Variants in BMERB1 observed in about 807,000 individuals in gnomAD.
BMERB1 encodes the protein bMERB domain containing 1.
In BMERB1, 12 loss-of-function variants were observed where a neutral mutation model predicts 23.6. The observed-to-expected ratio is 0.51, with a 90% CI of 0.33 to 0.82. BMERB1 has a LOEUF of 0.82. Among genes scored for constraint, BMERB1 ranks in the 40% least tolerant of loss-of-function variants. The pLI is 0.03. For missense variants in BMERB1, 247 were observed against 255.4 expected (o/e 0.97, Z 0.22); for synonymous variants, 122 against 96.6 (o/e 1.26, Z -1.54).
At chr16:15,517,437 G>C (rs1164418651) in intron 2 of BMERB1, among the ~76,000 whole-genome samples, 1 of 152,074 alleles carries the variant, frequency 6.6e-6, no homozygotes, top group Non-Finnish European at 1.5e-5. Flanking sequence ...TTTGAACCTG[G>C]GAGGCGGAGG....
chr16:15,517,455 G>C (rs62039128), intron 2 of BMERB1, among the ~76,000 whole-genome samples: 1 of 152,004 alleles, frequency 6.6e-6, no homozygotes. Context: ...AGGCTACAGC[G>C]AGCTGAGATT....
At chr16:15,505,456 A>G (rs1298190587) in intron 1 of BMERB1, among the ~76,000 whole-genome samples, 1 of 152,230 alleles carries the variant, frequency 6.6e-6, no homozygotes, top group Non-Finnish European at 1.5e-5. Context: ...TAAGCAGGCT[A>G]TAGTATTTAG....
At chr16:15,501,559 C>T (rs911711520) in intron 1 of BMERB1, among the ~76,000 whole-genome samples, 1 of 152,182 alleles carries the variant, frequency 6.6e-6, no homozygotes, top group Non-Finnish European at 1.5e-5. Context: ...ACTGCAACCT[C>T]CGCCTCCCCA....
intron 1 of BMERB1, among the ~76,000 whole-genome samples, chr16:15,446,476 A>G (rs1598442671): frequency 6.6e-6 from 1 of 152,198 alleles, no homozygotes; most frequent in African/African-American, 2.4e-5. Context: ...TTTTACATGC[A>G]TCCTCCGCTC....
chr16:15,456,589 C>T (rs950158174), intron 1 of BMERB1, among the ~76,000 whole-genome samples: 1 of 151,934 alleles, frequency 6.6e-6, no homozygotes, highest in Non-Finnish European at 1.5e-5. Context: ...CTGCCTGCCT[C>T]AGCCTCCCAA....
At chr16:15,577,648 GGGGTTTTATATGTTGGCATATTCCA>G (rs1334729526) in intron 3 of BMERB1, among the ~76,000 whole-genome samples, 4 of 132,358 alleles carry the variant, frequency 3.0e-5, no homozygotes, top group African/African-American at 1.7e-4. Flanking sequence ...GGCATGTTCC[GGGGTTTTATATGTTGGCATATTCCA>G]GGGTTTTATG....
At chr16:15,488,252 T>C (rs1952842974) in intron 1 of BMERB1, among the ~76,000 whole-genome samples, 2 of 152,212 alleles carry the variant, frequency 1.3e-5, no homozygotes, top group Admixed American at 1.3e-4. Flanking sequence ...GAAATCTGAA[T>C]TTTTTGCAGT....
At chr16:15,572,797 G>C (rs1484668579) in intron 3 of BMERB1, among the ~76,000 whole-genome samples, 1 of 152,144 alleles carries the variant, frequency 6.6e-6, no homozygotes, top group Non-Finnish European at 1.5e-5. Context: ...CCCGTGTGTT[G>C]TGGGAGGGAC....
chr16:15,517,788 G>GTGGATGTGTGTGGGGGTGTT (rs1366793862), intron 2 of BMERB1, among the ~76,000 whole-genome samples: 1 of 151,838 alleles, frequency 6.6e-6, no homozygotes, highest in African/African-American at 2.4e-5. Context: ...ATGTGGATGT[G>GTGGATGTGTGTGGGGGTGTT]TGGATGTGTG....
At chr16:15,436,397 T>G (rs1162324335) in intron 1 of BMERB1, among the ~76,000 whole-genome samples, 1 of 151,912 alleles carries the variant, frequency 6.6e-6, no homozygotes, top group Non-Finnish European at 1.5e-5. Flanking sequence ...TAGCTGAGAT[T>G]ACAGGTGCTC....
chr16:15,463,900 A>G (rs930765498), intron 1 of BMERB1, among the ~76,000 whole-genome samples: 6 of 152,030 alleles, frequency 3.9e-5, no homozygotes, highest in Non-Finnish European at 7.4e-5. Flanking sequence ...AACTTGAAGC[A>G]TAAAACTATT....
intron 2 of BMERB1, among the ~76,000 whole-genome samples, chr16:15,539,516 G>A (rs2052058274): frequency 6.6e-6 from 1 of 152,268 alleles, no homozygotes; most frequent in South Asian, 2.1e-4. Flanking sequence ...GCTCTGGGAT[G>A]ATTTTAGGCA....
At chr16:15,524,408 C>T (rs2051885975) in intron 2 of BMERB1, among the ~76,000 whole-genome samples, 1 of 152,166 alleles carries the variant, frequency 6.6e-6, no homozygotes, top group Non-Finnish European at 1.5e-5. Flanking sequence ...AAGGACCCTC[C>T]TCCTGAATTT....
At chr16:15,487,475 A>G (rs1686546286) in intron 1 of BMERB1, among the ~76,000 whole-genome samples, 1 of 152,132 alleles carries the variant, frequency 6.6e-6, no homozygotes, top group Non-Finnish European at 1.5e-5. Context: ...TGAGGGCCAT[A>G]TTGTTAAAGG....
chr16:15,464,702 G>A (rs1254489908), intron 1 of BMERB1, among the ~76,000 whole-genome samples: 1 of 152,174 alleles, frequency 6.6e-6, no homozygotes, highest in Non-Finnish European at 1.5e-5. Flanking sequence ...TAGTGCTGGT[G>A]GGAGTGTCTT....
At chr16:15,510,532 G>T (rs2051651486) in intron 1 of BMERB1, among the ~76,000 whole-genome samples, 1 of 152,014 alleles carries the variant, frequency 6.6e-6, no homozygotes, top group East Asian at 1.9e-4. Context: ...ATCTGTTTTG[G>T]GTGGTGGGCT....
intron 1 of BMERB1, chr16:15,448,151 A>G (rs573731970): frequency 1.6e-5 from 5 of 312,124 alleles, no homozygotes; most frequent in East Asian, 9.8e-5. Flanking sequence ...TGGCCTGCCA[A>G]CGCGCTGGGA....
At chr16:15,526,380 T>A (rs1166517386) in intron 2 of BMERB1, among the ~76,000 whole-genome samples, 1 of 151,924 alleles carries the variant, frequency 6.6e-6, no homozygotes, top group East Asian at 1.9e-4. Flanking sequence ...AAGTAAAAAA[T>A]ATAGGCCGGG....
At chr16:15,556,127 A>C (rs2150967928) in intron 2 of BMERB1, among the ~76,000 whole-genome samples, 1 of 152,146 alleles carries the variant, frequency 6.6e-6, no homozygotes, top group East Asian at 1.9e-4. Flanking sequence ...GCAGTGAGCC[A>C]AGATCCCGCC....
Sources: allele counts gnomAD v4.1 joint callset (sites outside exome capture counted in the v4.1 genomes callset), GRCh38; gene constraint gnomAD v4.1.1; transcripts MANE v1.5; gene names NCBI Gene and HGNC (gene_info 2026-07-23, HGNC 2026-07-21).